KSR2: variants seen among roughly 807,000 people sequenced by gnomAD.
KSR2 encodes the protein kinase suppressor of ras 2.
In KSR2, 25 loss-of-function variants were observed where a neutral mutation model predicts 107.8. The observed-to-expected ratio is 0.23, with a 90% CI of 0.17 to 0.32. The LOEUF (loss-of-function observed/expected upper bound fraction) is 0.32, where lower values mean the gene tolerates loss of function less well. Among genes scored for constraint, KSR2 ranks in the 10% least tolerant of loss-of-function variants. KSR2 has a pLI of 1.00. For synonymous variants in KSR2, 480 were observed against 507.0 expected (o/e 0.95, Z 0.71); for missense variants, 887 against 1,268.9 (o/e 0.70, Z 4.57).
At chr12:117,560,225 A>T (rs938387618) in intron 7 of KSR2, among the ~76,000 whole-genome samples, 2 of 152,164 alleles carry the variant, frequency 1.3e-5, no homozygotes, top group Admixed American at 1.3e-4. Flanking sequence ...AGCAGGCAGC[A>T]CTCTGGGTCT....
At chr12:117,818,911 A>G (rs534347522) in intron 3 of KSR2, among the ~76,000 whole-genome samples, 1 of 152,266 alleles carries the variant, frequency 6.6e-6, no homozygotes, top group South Asian at 2.1e-4. Flanking sequence ...AGAGACATAA[A>G]AGGCTATCAT....
chr12:117,534,837 C>T (rs1481220935), intron 10 of KSR2, among the ~76,000 whole-genome samples: 3 of 151,756 alleles, frequency 2.0e-5, no homozygotes, highest in South Asian at 2.1e-4. Flanking sequence ...AAGCAGAGGC[C>T]AGAATGAGGA....
intron 1 of KSR2, among the ~76,000 whole-genome samples, chr12:117,869,100 G>A (rs1046517837): frequency 3.3e-5 from 5 of 151,956 alleles, no homozygotes; most frequent in Admixed American, 2.0e-4. Context: ...GGCCAGGCGC[G>A]GTGGCTCACG....
intron 8 of KSR2, among the ~76,000 whole-genome samples, chr12:117,556,922 T>C (rs954775633): frequency 6.6e-6 from 1 of 152,176 alleles, no homozygotes; most frequent in Non-Finnish European, 1.5e-5. Context: ...ATCCCAGCAC[T>C]TTGGGAGGCA....
At chr12:117,794,174 A>T (rs1890473817) in intron 3 of KSR2, among the ~76,000 whole-genome samples, 1 of 134,236 alleles carries the variant, frequency 7.4e-6, no homozygotes, top group African/African-American at 2.9e-5. Flanking sequence ...CAACATGCGC[A>T]CACACCAACA....
intron 5 of KSR2, among the ~76,000 whole-genome samples, chr12:117,628,307 G>A (rs540857799): frequency 1.4e-4 from 22 of 152,290 alleles, no homozygotes; most frequent in Admixed American, 3.9e-4. Context: ...CAGCTTTTCT[G>A]CTCTGGTTTC....
At chr12:117,725,001 T>C (rs1887360264) in intron 4 of KSR2, among the ~76,000 whole-genome samples, 1 of 151,682 alleles carries the variant, frequency 6.6e-6, no homozygotes, top group South Asian at 2.1e-4. Flanking sequence ...GAAAGAAAAC[T>C]GGTTAACAAG....
intron 1 of KSR2, among the ~76,000 whole-genome samples, chr12:117,963,537 A>C (rs1896714683): frequency 6.6e-6 from 1 of 152,088 alleles, no homozygotes. Context: ...CTGGAGGTCA[A>C]GGCTGCAGTA....
intron 9 of KSR2, among the ~76,000 whole-genome samples, chr12:117,542,332 G>T (rs867006): frequency 0.59 from 89,617 of 152,010 alleles, 26,835 homozygotes; most frequent in Admixed American, 0.7. Flanking sequence ...TTATGTTAAT[G>T]ATAGTATATT....
Position 117,645,935 on chromosome 12 carries a change from A to G in KSR2, c.1171+21539T>C, listed in dbSNP as rs181433363. Among the ~76,000 whole-genome samples, 14 of 150,522 alleles carry G rather than the reference A, an allele frequency of 9.3e-5. No individual in the cohort carries two copies. The South Asian group carries it at 1.5e-3, about 16-fold the overall frequency. On this transcript the variant is annotated intron_variant, in intron 5 of 19. Coordinates refer to ENST00000339824, the MANE Select transcript of KSR2 (RefSeq NM_173598.6). ...TGTGTACAGCTGTCCTTCAGTATCCATAGGGGGTTGGTTCCAGGACACCCC... is the reference window on the plus strand; with the variant it reads ...TGTGTACAGCTGTCCTTCAGTATCCGTAGGGGGTTGGTTCCAGGACACCCC...
At chr12:117,911,626 G>A (rs1205809961) in intron 1 of KSR2, among the ~76,000 whole-genome samples, 1 of 152,072 alleles carries the variant, frequency 6.6e-6, no homozygotes, top group Non-Finnish European at 1.5e-5. Context: ...AGGACTTCTT[G>A]TCCTACTTTA....
At position 117,911,894 on chromosome 12, in the gene KSR2, G is replaced by A. The variant is rs1159893560; in HGVS notation, c.181-51463C>T. Reference sequence around the variant, plus strand: ...CCAAGGCTTATGCGTCTCCGGGCCAGGAGAACCACTTGCCCTGGGCCTCAA... The same window carrying A: ...CCAAGGCTTATGCGTCTCCGGGCCAAGAGAACCACTTGCCCTGGGCCTCAA... On this transcript the variant is annotated intron_variant, in intron 1 of 19. Transcript: ENST00000339824. 2.0e-5 allele frequency among the ~76,000 whole-genome samples: 3 copies of A among 152,228 alleles called. No individual in the cohort carries two copies. In the East Asian group the frequency reaches 5.8e-4, roughly 29 times the overall value.
intron 5 of KSR2, among the ~76,000 whole-genome samples, chr12:117,607,938 T>C (rs1881386069): frequency 6.6e-6 from 1 of 152,080 alleles, no homozygotes; most frequent in African/African-American, 2.4e-5. Flanking sequence ...TCCTTGCTGC[T>C]CAGGTACCTG....
chr12:117,487,701 C>A (rs895608096), intron 14 of KSR2, among the ~76,000 whole-genome samples: 1 of 152,162 alleles, frequency 6.6e-6, no homozygotes, highest in African/African-American at 2.4e-5. Context: ...CCAACAGGCT[C>A]CAAGACTCCC....
At chr12:117,902,847 G>C (rs1894729555) in intron 1 of KSR2, among the ~76,000 whole-genome samples, 1 of 152,202 alleles carries the variant, frequency 6.6e-6, no homozygotes, top group Admixed American at 6.5e-5. Flanking sequence ...GAACAATGCA[G>C]AGAGGATGAC....
At chr12:117,543,262 C>T (rs1461765392) in intron 9 of KSR2, among the ~76,000 whole-genome samples, 1 of 152,202 alleles carries the variant, frequency 6.6e-6, no homozygotes, top group Admixed American at 6.5e-5. Flanking sequence ...ATTGATTTTT[C>T]TCTGCCTCTT....
chr12:117,887,697 A>C (rs1041514512), intron 1 of KSR2, among the ~76,000 whole-genome samples: 1 of 152,236 alleles, frequency 6.6e-6, no homozygotes, highest in Admixed American at 6.5e-5. Flanking sequence ...GCTCATCAGC[A>C]GTATCAAGGG....
chr12:117,546,421 T>C (rs987128675), intron 9 of KSR2, among the ~76,000 whole-genome samples: 1 of 152,226 alleles, frequency 6.6e-6, no homozygotes, highest in Non-Finnish European at 1.5e-5. Flanking sequence ...TTTCAGAAGT[T>C]TGACATGACA....
rs186248478 is a variant in KSR2, at chr12:117,796,791, G to A, written c.473-35267C>T. ...GAGACACTATGGCTCAATTAACCCC[G>A]TAGATCTCCAGCTCAACCCATATGT... On this transcript the variant is annotated intron_variant, in intron 3 of 19. Coordinates refer to ENST00000339824, the MANE Select transcript of KSR2 (RefSeq NM_173598.6). 1.5e-3 allele frequency among the ~76,000 whole-genome samples: 224 copies of A among 152,214 alleles called. 4 individuals are homozygous for A. The highest frequency in any genetic ancestry group is 5.1e-3 in the African/African-American group (213 of 41,538).
Sources: allele counts gnomAD v4.1 joint callset (sites outside exome capture counted in the v4.1 genomes callset), GRCh38; gene constraint gnomAD v4.1.1; transcripts MANE v1.5; gene names NCBI Gene and HGNC (gene_info 2026-07-23, HGNC 2026-07-21).